CD109: variants seen among roughly 807,000 people sequenced by gnomAD.
CD109 encodes CD109 antigen.
CD109 carries 149 observed loss-of-function variants against 165.8 expected under a neutral mutation model. The observed-to-expected ratio is 0.90, with a 90% CI of 0.79 to 1.03. The LOEUF is 1.03. Ranked by LOEUF, CD109 falls within the 50% of genes least tolerant of loss-of-function variation. The pLI is 0.00. For missense variants in CD109, 1,712 were observed against 1,677.8 expected (o/e 1.02, Z -0.36); for synonymous variants, 585 against 592.1 (o/e 0.99, Z 0.18).
intron 15 of CD109, among the ~76,000 whole-genome samples, chr6:73,776,534 G>A (rs567596690): frequency 8.0e-5 from 12 of 149,466 alleles, no homozygotes; most frequent in African/African-American, 2.2e-4. Context: ...TTGCAGGCGT[G>A]AGCCACCACG....
intron 10 of CD109, 41 bp from the exon 11 acceptor site, chr6:73,765,889 A>T: frequency 7.2e-7 from 1 of 1,392,170 alleles, no homozygotes; most frequent in Non-Finnish European, 1.0e-6. Context: ...AATCGTACTT[A>T]AATCCTTTGT....
chr6:73,696,165 G>T (rs368748901), upstream of CD109: 175 of 1,522,584 alleles, frequency 1.1e-4, no homozygotes, highest in Middle Eastern at 1.0e-3. Flanking sequence ...ACCCCACGGT[G>T]CCCGCGAACT....
At chr6:73,771,321 C>T in intron 14 of CD109, 108 bp from the exon 15 acceptor site, 2 of 842,112 alleles carry the variant, frequency 2.4e-6, no homozygotes, top group South Asian at 1.7e-5. Flanking sequence ...ATCCCTGAGC[C>T]AAGGCAAATG....
Position 73,771,480 on chromosome 6 carries a change from CTT to C in CD109, c.1727_1728del (p.Leu576GlnfsTer8). 6.2e-7 allele frequency: 1 copy of C among 1,610,440 alleles called. No individual in the cohort carries two copies. The highest frequency in any genetic ancestry group is 8.5e-7 in the Non-Finnish European group (1 of 1,178,610). On this transcript the variant is annotated frameshift_variant, in exon 15 of 33. Transcript: ENST00000287097. LOFTEE classifies it high-confidence loss of function. ...VKAEPSEKVS[L>X]RISVTQPDSI... The stretch of plus-strand genomic sequence containing the variant: ...AGCTGAACCATCTGAGAAAGTCTCT[CTT>C]AGGATCTCTGTGACACAGCCTGACT...
intron 22 of CD109, among the ~76,000 whole-genome samples, chr6:73,790,348 A>G (rs1041192339): frequency 6.6e-6 from 1 of 151,924 alleles, no homozygotes; most frequent in Non-Finnish European, 1.5e-5. Context: ...CACCCACCTC[A>G]GCCTCCCAAA....
intron 5 of CD109, among the ~76,000 whole-genome samples, chr6:73,753,454 A>G (rs1773270584): frequency 6.6e-6 from 1 of 152,206 alleles, no homozygotes; most frequent in Non-Finnish European, 1.5e-5. Flanking sequence ...TGCCTAATGG[A>G]CAATACACTG....
In CD109 at chr6:73,770,810, C is replaced by T. The variant is rs1013937943; in HGVS notation, c.1675-619C>T. ...CTCATGACAAGGCCATTTGGTTCAG[C>T]GGTGATGCGATGACTGATGCTCTTT... On this transcript the variant is annotated intron_variant, in intron 14 of 32. Transcript: ENST00000287097. Among the ~76,000 whole-genome samples the T allele has an allele frequency of 3.9e-5, 6 of 152,142 alleles. No individual in the cohort carries two copies. In the South Asian group the frequency reaches 6.2e-4, roughly 16 times the overall value.
At chr6:73,699,624 T>A (rs1770986085) in intron 2 of CD109, among the ~76,000 whole-genome samples, 1 of 152,186 alleles carries the variant, frequency 6.6e-6, no homozygotes, top group African/African-American at 2.4e-5. Flanking sequence ...TCTTAGATCT[T>A]CTTTTGGGAG....
the CD109 span, among the ~76,000 whole-genome samples, chr6:73,684,828 T>C: frequency 2.2e-4 from 34 of 151,698 alleles, 1 homozygote; most frequent in Admixed American, 2.0e-4. Flanking sequence ...GGGACCACGC[T>C]ACCATGTCTG....
chr6:73,751,704 T>C (rs1773196067), intron 5 of CD109, among the ~76,000 whole-genome samples: 1 of 152,180 alleles, frequency 6.6e-6, no homozygotes, highest in Non-Finnish European at 1.5e-5. Context: ...TACCTAGTTG[T>C]CTGCATTGTC....
chr6:73,786,197 T>A (rs1774685786), intron 20 of CD109, among the ~76,000 whole-genome samples: 1 of 152,202 alleles, frequency 6.6e-6, no homozygotes, highest in South Asian at 2.1e-4. Context: ...TGGATTCACG[T>A]ACCTTGTATC....
chr6:73,782,080 G>A (rs1242018830), intron 17 of CD109, among the ~76,000 whole-genome samples: 2 of 152,172 alleles, frequency 1.3e-5, no homozygotes, highest in Non-Finnish European at 2.9e-5. Context: ...AACTGTCACA[G>A]TTTCTATCCC....
intron 13 of CD109, 39 bp from the exon 14 acceptor site, chr6:73,768,016 G>T: frequency 6.5e-7 from 1 of 1,529,048 alleles, no homozygotes. Context: ...ATCCTACTAG[G>T]TTTGGCAATA....
upstream of CD109, chr6:73,695,262 G>A (rs1271142359): frequency 6.6e-6 from 1 of 152,220 alleles, no homozygotes; most frequent in East Asian, 1.9e-4. Flanking sequence ...TGAAACCTGA[G>A]TCATCTGAAG....
chr6:73,793,380 C>A (rs2150271536), intron 23 of CD109, among the ~76,000 whole-genome samples: 1 of 152,304 alleles, frequency 6.6e-6, no homozygotes, highest in East Asian at 1.9e-4. Context: ...TTCACAGGCA[C>A]CAGATCCTTT....
chr6:73,717,250 G>T (rs1771775594), intron 2 of CD109, among the ~76,000 whole-genome samples: 1 of 151,190 alleles, frequency 6.6e-6, no homozygotes, highest in Non-Finnish European at 1.5e-5. Flanking sequence ...TATGGCTTTG[G>T]CTATTCTGGG....
At chr6:73,732,920 A>C (rs1489821952) in intron 4 of CD109, among the ~76,000 whole-genome samples, 3 of 152,110 alleles carry the variant, frequency 2.0e-5, no homozygotes. Context: ...TCTCTTGGCC[A>C]GGGGAGGGGA....
chr6:73,816,403 C>T (rs77903546), intron 30 of CD109, among the ~76,000 whole-genome samples: 37,332 of 151,946 alleles, frequency 0.25, 5,158 homozygotes, highest in Admixed American at 0.32. Context: ...AACACTTTTA[C>T]ATGCATATCA....
chr6:73,722,585 T>A (rs1263478504), intron 2 of CD109, among the ~76,000 whole-genome samples: 1 of 152,184 alleles, frequency 6.6e-6, no homozygotes, highest in Non-Finnish European at 1.5e-5. Flanking sequence ...GGCCTATTAT[T>A]TCCTTCTCTC....
Sources: gnomAD v4.1 joint callset for allele counts (sites outside exome capture counted in the v4.1 genomes callset) on GRCh38, gnomAD v4.1.1 for gene constraint, MANE v1.5 for transcripts, NCBI Gene and HGNC (gene_info 2026-07-23, HGNC 2026-07-21) for gene names.